The following ZMIZ1 variants were observed in gnomAD, a reference collection of about 807,000 sequenced individuals.
ZMIZ1 encodes zinc finger MIZ domain-containing protein 1.
Under a neutral mutation model 113.9 loss-of-function variants are expected in ZMIZ1, and 17 were observed. The ratio of observed to expected loss-of-function variants is 0.15; its 90% CI spans 0.10 to 0.22. The LOEUF is 0.22. ZMIZ1 is among the 10% of genes least tolerant of loss of function. The pLI, the probability that ZMIZ1 is intolerant of heterozygous loss-of-function variation, is 1.00. For synonymous variants in ZMIZ1, 607 were observed against 603.1 expected (o/e 1.01, Z -0.09); for missense variants, 1,059 against 1,477.8 (o/e 0.72, Z 4.65).
At chr10:79,279,992 CTTT>C (rs113546164) in intron 8 of ZMIZ1, among the ~76,000 whole-genome samples, 6 of 139,362 alleles carry the variant, frequency 4.3e-5, no homozygotes, top group Admixed American at 7.1e-5. Flanking sequence ...ATTATTATTA[CTTT>C]TTTTTTTTTT....
chr10:79,154,728 C>G (rs1194406015), intron 3 of ZMIZ1, among the ~76,000 whole-genome samples: 1 of 152,152 alleles, frequency 6.6e-6, no homozygotes, highest in Non-Finnish European at 1.5e-5. Flanking sequence ...AGGTGAGGAC[C>G]CTGTCCTGGG....
At chr10:79,140,886 G>A (rs936708714) in intron 3 of ZMIZ1, among the ~76,000 whole-genome samples, 1 of 152,100 alleles carries the variant, frequency 6.6e-6, no homozygotes, top group Non-Finnish European at 1.5e-5. Flanking sequence ...AGGCTGAAGC[G>A]ATTCTCCCAC....
Position 79,296,484 on chromosome 10 carries a change from A to C in ZMIZ1, c.1244A>C (p.Asn415Thr). The change falls in exon 13 of 25, where the codon AAC (asparagine) becomes ACC (threonine). Residue 415 changes from asparagine (N) to threonine (T), a missense_variant. Asn to Thr is a moderately conservative substitution (Grantham distance 65, BLOSUM62 0). Transcript: ENST00000334512. The surrounding 1 kb of genome is among the most constrained non-coding windows in gnomAD (Gnocchi z 4.1). The part of the protein sequence containing the change: ...RPYPGEPNYG[N>T]QQYGPNSQFP... ...CTCCCACCACAGCCCAACTATGGAA[A>C]CCAGCAATATGGACCAAACAGCCAG... The C allele has an allele frequency of 6.2e-7, 1 of 1,613,878 alleles. No individual in the cohort carries two copies. The highest frequency in any genetic ancestry group is 8.5e-7 in the Non-Finnish European group (1 of 1,179,906).
At chr10:79,198,206 T>C (rs892193493) in intron 4 of ZMIZ1, among the ~76,000 whole-genome samples, 1 of 151,606 alleles carries the variant, frequency 6.6e-6, no homozygotes, top group East Asian at 1.9e-4. Flanking sequence ...TTGCAGTGAG[T>C]GGAGATCACG....
At chr10:79,102,281 G>A (rs968440871) in intron 1 of ZMIZ1, among the ~76,000 whole-genome samples, 25 of 152,242 alleles carry the variant, frequency 1.6e-4, no homozygotes, top group Non-Finnish European at 2.9e-5. Context: ...CAGAAATCCC[G>A]GCTCTGGAAG....
intron 1 of ZMIZ1, among the ~76,000 whole-genome samples, chr10:79,114,015 A>G (rs563688348): frequency 6.6e-6 from 1 of 152,132 alleles, no homozygotes; most frequent in Non-Finnish European, 1.5e-5. Flanking sequence ...GGAGTTTGCA[A>G]ATGGAGAGAG....
chr10:79,202,189 GAAAAAAAAAAA>G (rs58021590), intron 5 of ZMIZ1, among the ~76,000 whole-genome samples: 2 of 52,636 alleles, frequency 3.8e-5, no homozygotes, highest in Non-Finnish European at 7.6e-5. Flanking sequence ...CCCTGTCTCA[GAAAAAAAAAAA>G]AAAAAAAAAA....
chr10:79,218,975 G>A lies in ZMIZ1; in HGVS notation c.280+2701G>A, dbSNP rs1589438874. Reference sequence around the variant, plus strand: ...TCACAGTCTTTGTCCTGAGAGTAATGGGAACATGGCTAAATGCTCATTTTG... The same window carrying A: ...TCACAGTCTTTGTCCTGAGAGTAATAGGAACATGGCTAAATGCTCATTTTG... On this transcript the variant is annotated intron_variant, in intron 7 of 24. Transcript: ENST00000334512. Among the ~76,000 whole-genome samples, 5 of 151,966 alleles carry A rather than the reference G, an allele frequency of 3.3e-5. No homozygotes were observed. In the South Asian group the frequency reaches 1.0e-3, roughly 32 times the overall value.
intron 7 of ZMIZ1, among the ~76,000 whole-genome samples, chr10:79,266,513 C>T (rs1362727590): frequency 1.3e-5 from 2 of 152,210 alleles, no homozygotes. Flanking sequence ...TGTGCTCCCA[C>T]GGCCCGGTTA....
intron 1 of ZMIZ1, among the ~76,000 whole-genome samples, chr10:79,087,394 G>A (rs1023745789): frequency 1.1e-4 from 17 of 152,072 alleles, no homozygotes; most frequent in Admixed American, 6.6e-5. Flanking sequence ...GCTGTACCCC[G>A]TGACATTGGG....
chr10:79,285,328 C>T (rs1852997710), intron 8 of ZMIZ1: 4 of 372,166 alleles, frequency 1.1e-5, no homozygotes, highest in East Asian at 7.3e-5. Flanking sequence ...ACAGTAACAG[C>T]GGCAGCCAGC....
At chr10:79,078,403 C>T (rs1289592932) in intron 1 of ZMIZ1, among the ~76,000 whole-genome samples, 2 of 151,976 alleles carry the variant, frequency 1.3e-5, no homozygotes, top group African/African-American at 4.8e-5. Context: ...AATCTCTTCC[C>T]GAAGTGGCTT....
intron 2 of ZMIZ1, among the ~76,000 whole-genome samples, chr10:79,124,813 GA>G (rs1844444761): frequency 6.6e-6 from 1 of 152,222 alleles, no homozygotes; most frequent in Non-Finnish European, 1.5e-5. Flanking sequence ...TCCGGCTGGG[GA>G]GGAAGATTCA....
intron 4 of ZMIZ1, among the ~76,000 whole-genome samples, chr10:79,201,243 G>T (rs1848065932): frequency 6.6e-6 from 1 of 152,192 alleles, no homozygotes; most frequent in Admixed American, 6.5e-5. Flanking sequence ...GGGAGGCAGA[G>T]GTTGCAATGA....
At chr10:79,257,710 T>C (rs1250530) in intron 7 of ZMIZ1, among the ~76,000 whole-genome samples, 111,114 of 152,248 alleles carry the variant, frequency 0.73, 40,913 homozygotes, top group East Asian at 0.92. Context: ...TCTTGCTGTC[T>C]ATCTCCTGGG....
chr10:79,196,935 G>C lies in ZMIZ1; in HGVS notation c.-49-4649G>C, dbSNP rs565383305. 5.3e-5 allele frequency among the ~76,000 whole-genome samples: 8 copies of C among 152,334 alleles called. No homozygotes were observed. In the East Asian group the frequency reaches 1.2e-3, roughly 22 times the overall value. On this transcript the variant is annotated intron_variant, in intron 4 of 24. Transcript: ENST00000334512. ...GTCCATCCTGGCTGGGGACACCTGG[G>C]TGCTCACTGGAGTGAGGGAGAGGAC...
At chr10:79,292,381 C>T (rs1480007404) in intron 11 of ZMIZ1, 25 bp downstream of exon 11, 2 of 1,585,886 alleles carry the variant, frequency 1.3e-6, no homozygotes, top group East Asian at 2.3e-5. Context: ...TAATCCTGGT[C>T]CAGCCTTGCC....
Position 79,227,935 on chromosome 10 carries a change from G to A in ZMIZ1, c.280+11661G>A, listed in dbSNP as rs1849257066. ...CAGGAGGCAGGCAGCCCTGCAGAAG[G>A]GGAAAGTAGAGAGCTGGCAGAGGGA... On this transcript the variant is annotated intron_variant, in intron 7 of 24. Coordinates refer to ENST00000334512, the MANE Select transcript of ZMIZ1 (RefSeq NM_020338.4). 2.6e-5 allele frequency among the ~76,000 whole-genome samples: 4 copies of A among 152,244 alleles called. No homozygotes were observed. The South Asian group carries it at 8.3e-4, about 31-fold the overall frequency.
At chr10:79,285,197 A>C (rs1049517093) in intron 8 of ZMIZ1, among the ~76,000 whole-genome samples, 5 of 152,228 alleles carry the variant, frequency 3.3e-5, no homozygotes, top group African/African-American at 1.2e-4. Flanking sequence ...TACCTCTGTG[A>C]GCCCCAGCTT....
Sources: allele counts gnomAD v4.1 joint callset (sites outside exome capture counted in the v4.1 genomes callset), GRCh38; gene constraint gnomAD v4.1.1; non-coding constraint Gnocchi (gnomAD v3.1); transcripts MANE v1.5; gene names NCBI Gene and HGNC (gene_info 2026-07-23, HGNC 2026-07-21).